Variants in NAT10 observed in about 807,000 individuals in gnomAD.
NAT10 encodes RNA cytidine acetyltransferase.
In NAT10, 109 loss-of-function variants were observed where a neutral mutation model predicts 132.2. That is an observed-to-expected ratio of 0.82 (90% CI 0.71 to 0.97). The LOEUF (loss-of-function observed/expected upper bound fraction) is 0.97. Ranked by LOEUF, NAT10 falls within the 50% of genes least tolerant of loss-of-function variation. The pLI is 0.00. For synonymous variants in NAT10, 479 were observed against 478.0 expected, an observed-to-expected ratio of 1.00 and a Z score of -0.03; for missense variants, 1,184 against 1,263.4, an observed-to-expected ratio of 0.94 and a Z score of 0.95.
Position 34,112,117 on chromosome 11 carries a change from A to G in NAT10, c.266A>G (p.Gln89Arg), listed in dbSNP as rs1258619885. The G allele has an allele frequency of 1.2e-6, 2 of 1,614,132 alleles. No individual in the cohort carries two copies. Among genetic ancestry groups the G allele is most frequent in the African/African-American group, 1.3e-5 (1 of 74,936 alleles). ...KIKNGTLNIKQDDPFELFIAA... is the reference protein window; with the variant it reads ...KIKNGTLNIKRDDPFELFIAA... ...AAGAATGGAACACTGAACATAAAGC[A>G]GGACGACCCCTTTGAACTCTTCATA... The change falls in exon 4 of 29, where the codon CAG becomes CGG. Residue 89 changes from glutamine (Q) to arginine (R), a missense_variant. By Grantham distance (43) the Gln-to-Arg change is conservative (BLOSUM62 1). Coordinates refer to ENST00000257829, the MANE Select transcript of NAT10 (RefSeq NM_024662.3).
Position 34,141,792 on chromosome 11 carries a change from C to G in NAT10, c.2786C>G (p.Thr929Arg), listed in dbSNP as rs140934116. 4 of 1,613,766 alleles carry G rather than the reference C, an allele frequency of 2.5e-6. No homozygotes were observed. The highest frequency in any genetic ancestry group is 1.3e-5 in the African/African-American group (1 of 74,918). Residue 929 changes from threonine to arginine, a missense_variant, in exon 26 of 29, where the codon ACG (threonine) becomes AGG (arginine). Coordinates refer to ENST00000257829, the MANE Select transcript of NAT10 (RefSeq NM_024662.3). ...GCGAAGGATGTGGTCATGGAGCCCACGATGAAGACCCTCAGTGACGACCTA... is the reference window on the plus strand; with the variant it reads ...GCGAAGGATGTGGTCATGGAGCCCAGGATGAAGACCCTCAGTGACGACCTA... ...VAAKDVVMEP[T>R]MKTLSDDLDE... is the part of the protein sequence containing the mutation.
intron 8 of NAT10, among the ~76,000 whole-genome samples, chr11:34,120,667 A>G (rs935039103): frequency 1.3e-5 from 2 of 152,230 alleles, no homozygotes; most frequent in African/African-American, 4.8e-5. Flanking sequence ...CCAGCAGTAG[A>G]CAAGAGGGAT....
At chr11:34,113,151 G>T (rs17778759) in intron 4 of NAT10, among the ~76,000 whole-genome samples, 1 of 152,098 alleles carries the variant, frequency 6.6e-6, no homozygotes, top group Admixed American at 6.5e-5. Context: ...CCTGAATAAT[G>T]ACTCCTGTGA....
rs771235436 is a variant in NAT10, at chr11:34,120,143, GTTT to G, written c.780+1658_780+1660del. ...TTTGTTGTTGTTGTTGTTGCTGTTG[GTTT>G]TTTTTTTTTTTTTTTTTGGTGAGCC... On this transcript the variant is annotated intron_variant, in intron 8 of 28. Coordinates refer to ENST00000257829, the MANE Select transcript of NAT10 (RefSeq NM_024662.3). Among the ~76,000 whole-genome samples the G allele has an allele frequency of 1.1e-4, 10 of 94,148 alleles. No individual in the cohort carries two copies. In the South Asian group the frequency reaches 2.5e-3, roughly 24 times the overall value. 61.8% of individuals were successfully genotyped at this position (94,148 alleles called of 152,430 possible).
intron 24 of NAT10, 54 bp downstream of exon 24, chr11:34,140,626 T>C: frequency 6.4e-7 from 1 of 1,574,530 alleles, no homozygotes; most frequent in Non-Finnish European, 8.7e-7. Context: ...GAGCTGTTCA[T>C]TTGCTGGGTG....
chr11:34,141,546 C>G (rs1480339727), intron 25 of NAT10, among the ~76,000 whole-genome samples, 173 bp from the exon 26 acceptor site: 2 of 152,126 alleles, frequency 1.3e-5, no homozygotes, highest in Non-Finnish European at 2.9e-5. Flanking sequence ...GGTACATATC[C>G]AGTCTGTGTT....
chr11:34,131,177 G>C (rs1452104025), intron 13 of NAT10, among the ~76,000 whole-genome samples: 3 of 152,156 alleles, frequency 2.0e-5, no homozygotes, highest in Non-Finnish European at 4.4e-5. Flanking sequence ...TCAGGGCATG[G>C]TTGCATTGAG....
intron 8 of NAT10, among the ~76,000 whole-genome samples, chr11:34,122,060 CAGTT>C (rs138298315): frequency 6.6e-5 from 10 of 151,392 alleles, no homozygotes; most frequent in African/African-American, 2.2e-4. Context: ...CCTGTAATCT[CAGTT>C]ACTCAGGAGG....
chr11:34,135,886 C>G (rs1380992832), intron 19 of NAT10, among the ~76,000 whole-genome samples: 2 of 114 alleles, frequency 0.018, no homozygotes, highest in East Asian at 0.25. Context: ...TTGCTTGAAC[C>G]CCAAGGTTGA....
intron 11 of NAT10, among the ~76,000 whole-genome samples, chr11:34,126,783 T>G (rs1852001544): frequency 6.6e-6 from 1 of 152,266 alleles, no homozygotes; most frequent in Non-Finnish European, 1.5e-5. Flanking sequence ...ACCTCTTCAT[T>G]GCTTTTCAAA....
chr11:34,115,786 C>A, intron 5 of NAT10, 37 bp from the exon 6 acceptor site: 1 of 1,609,214 alleles, frequency 6.2e-7, no homozygotes, highest in Non-Finnish European at 8.5e-7. Flanking sequence ...GCACTGTTTG[C>A]ATGCCTTTGT....
chr11:34,141,593 T>C, intron 25 of NAT10, 126 bp from the exon 26 acceptor site: 1 of 800,050 alleles, frequency 1.2e-6, no homozygotes, highest in Non-Finnish European at 2.0e-6. Flanking sequence ...ATTCCTAAAC[T>C]GTAGAGTGTT....
At chr11:34,110,691 T>C (rs2134152721) in intron 3 of NAT10, among the ~76,000 whole-genome samples, 1 of 151,864 alleles carries the variant, frequency 6.6e-6, no homozygotes, top group Non-Finnish European at 1.5e-5. Context: ...TCAGTATACA[T>C]TGAGTTGGAT....
chr11:34,139,333 G>A, intron 22 of NAT10, 46 bp downstream of exon 22: 2 of 1,612,246 alleles, frequency 1.2e-6, no homozygotes, highest in Non-Finnish European at 1.7e-6. Context: ...GGTGATTGGG[G>A]GCTGCCGGGG....
intron 21 of NAT10, among the ~76,000 whole-genome samples, chr11:34,138,521 C>T (rs1241524704): frequency 6.6e-6 from 1 of 152,078 alleles, no homozygotes; most frequent in Non-Finnish European, 1.5e-5. Context: ...TGGGTTGAGT[C>T]TCTGTCAGTA....
At chr11:34,116,031 G>A in intron 6 of NAT10, 147 bp downstream of exon 6, 3 of 732,796 alleles carry the variant, frequency 4.1e-6, no homozygotes, top group Non-Finnish European at 4.4e-6. Flanking sequence ...AGCAGCAGTT[G>A]TGAGACTAAC....
intron 16 of NAT10, among the ~76,000 whole-genome samples, chr11:34,133,370 C>T (rs1330451361): frequency 1.3e-5 from 2 of 152,144 alleles, no homozygotes; most frequent in African/African-American, 2.4e-5. Context: ...CAGAACCGAC[C>T]GCTCTCTTAT....
At chr11:34,118,036 A>T in intron 6 of NAT10, 144 bp from the exon 7 acceptor site, 1 of 620,844 alleles carries the variant, frequency 1.6e-6, no homozygotes, top group Non-Finnish European at 2.8e-6. Flanking sequence ...GAATCATCTC[A>T]CACTGCTCTC....
chr11:34,146,290 G>A lies in NAT10; in HGVS notation c.*98G>A. On this transcript the variant is annotated 3_prime_UTR_variant, in exon 29 of 29. Coordinates refer to ENST00000257829, the MANE Select transcript of NAT10 (RefSeq NM_024662.3). ...CTGTTAAAAGCAACGAGAGGCCCCG[G>A]CACACCTGGAAGCTGGCCGCGAATT... is the stretch of plus-strand genomic sequence containing the variant. The A allele has an allele frequency of 1.1e-6, 1 of 886,606 alleles. No homozygotes were observed. Among genetic ancestry groups the A allele is most frequent in the Admixed American group, 2.9e-5 (1 of 34,062 alleles). The allele number at this position is 886,606 out of a possible 1,614,324, so 54.9% of individuals were successfully genotyped here. A position where few individuals can be genotyped will look rare whatever the true frequency, so the allele number is the denominator to read the frequency against.
Sources: gnomAD v4.1 joint callset for allele counts (sites outside exome capture counted in the v4.1 genomes callset) on GRCh38, gnomAD v4.1.1 for gene constraint, MANE v1.5 for transcripts, NCBI Gene and HGNC (gene_info 2026-07-23, HGNC 2026-07-21) for gene names.